Variants in PIP5K1B observed in about 807,000 individuals in gnomAD.
The protein encoded by PIP5K1B is phosphatidylinositol 4-phosphate 5-kinase type-1 beta.
In PIP5K1B, 42 loss-of-function variants were observed where a neutral mutation model predicts 67.0. That is an observed-to-expected ratio of 0.63 (90% confidence interval 0.49 to 0.81). PIP5K1B has a LOEUF of 0.81. Among genes scored for constraint, PIP5K1B ranks in the 30% least tolerant of loss-of-function variants. PIP5K1B has a pLI of 0.00. For missense variants in PIP5K1B, 459 were observed against 646.3 expected, an observed-to-expected ratio of 0.71 and a Z score of 3.14; for synonymous variants, 214 against 231.4, an observed-to-expected ratio of 0.92 and a Z score of 0.68.
At chr9:68,774,242 T>G (rs1038584065) in intron 2 of PIP5K1B, among the ~76,000 whole-genome samples, 3 of 152,208 alleles carry the variant, frequency 2.0e-5, no homozygotes, top group Admixed American at 1.3e-4. Context: ...CGGACAAGTC[T>G]TCAGAGTTTA....
At chr9:68,844,902 A>G (rs1822109834) in intron 4 of PIP5K1B, among the ~76,000 whole-genome samples, 2 of 152,128 alleles carry the variant, frequency 1.3e-5, no homozygotes, top group South Asian at 4.1e-4. Flanking sequence ...GGCAAAATAC[A>G]ATTACTTTCT....
chr9:68,747,279 G>C (rs1161911100), intron 2 of PIP5K1B, among the ~76,000 whole-genome samples: 3 of 148,772 alleles, frequency 2.0e-5, no homozygotes, highest in African/African-American at 7.5e-5. Context: ...GTCCTATCTG[G>C]TTATTATCAA....
intron 13 of PIP5K1B, among the ~76,000 whole-genome samples, chr9:68,939,644 C>A (rs541477838): frequency 2.0e-5 from 3 of 152,318 alleles, no homozygotes; most frequent in African/African-American, 7.2e-5. Context: ...AGCTCCACCA[C>A]CCCAGTGTGT....
intron 7 of PIP5K1B, among the ~76,000 whole-genome samples, chr9:68,891,837 A>T (rs1824807031): frequency 6.6e-6 from 1 of 152,160 alleles, no homozygotes; most frequent in East Asian, 1.9e-4. Context: ...ATAGAGTGGG[A>T]GAATATAAGG....
intron 6 of PIP5K1B, among the ~76,000 whole-genome samples, chr9:68,878,907 G>A (rs1450753226): frequency 6.6e-6 from 1 of 152,154 alleles, no homozygotes; most frequent in African/African-American, 2.4e-5. Context: ...GGGGGTGAAG[G>A]GTTGGAAGGG....
chr9:68,708,491 C>T (rs983854290), intron 1 of PIP5K1B, among the ~76,000 whole-genome samples: 4 of 152,088 alleles, frequency 2.6e-5, no homozygotes, highest in Non-Finnish European at 5.9e-5. Context: ...GCTTTTCTTT[C>T]TCCCTAGACA....
intron 6 of PIP5K1B, among the ~76,000 whole-genome samples, chr9:68,885,920 G>A (rs1230892876): frequency 3.3e-5 from 5 of 152,196 alleles, no homozygotes; most frequent in African/African-American, 9.7e-5. Context: ...GGTGGCTCAC[G>A]CCTGTAATCC....
intron 2 of PIP5K1B, among the ~76,000 whole-genome samples, chr9:68,765,276 A>G (rs1322911014): frequency 6.6e-6 from 1 of 152,134 alleles, no homozygotes; most frequent in East Asian, 1.9e-4. Context: ...CACTAGTAAC[A>G]TTTTAATGGT....
intron 14 of PIP5K1B, among the ~76,000 whole-genome samples, chr9:68,942,962 T>A (rs1473955898): frequency 1.3e-5 from 2 of 152,098 alleles, no homozygotes; most frequent in African/African-American, 4.8e-5. Context: ...AGGAAATCCA[T>A]CCTGGAACAT....
At chr9:68,766,655 G>A (rs544374830) in intron 2 of PIP5K1B, among the ~76,000 whole-genome samples, 62 of 152,238 alleles carry the variant, frequency 4.1e-4, no homozygotes, top group Admixed American at 1.9e-3. Context: ...AGTGTCAAAA[G>A]TAATTGTTTC....
At chr9:69,006,829 G>A (rs1365413890) in intron 15 of PIP5K1B, among the ~76,000 whole-genome samples, 1 of 152,152 alleles carries the variant, frequency 6.6e-6, no homozygotes, top group Non-Finnish European at 1.5e-5. Flanking sequence ...TTTTAAGAAC[G>A]CAGGACTTCT....
chr9:68,876,202 G>T (rs1029375005), intron 5 of PIP5K1B, among the ~76,000 whole-genome samples: 1 of 152,018 alleles, frequency 6.6e-6, no homozygotes, highest in South Asian at 2.1e-4. Context: ...TTCAGATTGG[G>T]GTCCTATTCC....
At chr9:68,756,195 G>A (rs1229652979) in intron 2 of PIP5K1B, among the ~76,000 whole-genome samples, 1 of 152,200 alleles carries the variant, frequency 6.6e-6, no homozygotes, top group African/African-American at 2.4e-5. Context: ...TGTTTGACAG[G>A]TCAGCATGTC....
In PIP5K1B at chr9:68,935,046, G is replaced by T. The variant is rs764107851; in HGVS notation, c.1357+1G>T. 1 of 1,609,562 alleles carries T rather than the reference G, an allele frequency of 6.2e-7. No individual in the cohort carries two copies. Among genetic ancestry groups the T allele is most frequent in the Admixed American group, 1.7e-5 (1 of 59,132 alleles). ...AGTTTTAGCAGCCTTGATGAAGAAGGTAAAGATATGTAACTTTTTTAAAAA... is the reference window on the plus strand; with the variant it reads ...AGTTTTAGCAGCCTTGATGAAGAAGTTAAAGATATGTAACTTTTTTAAAAA... On this transcript the variant is annotated splice_donor_variant, in intron 13 of 15. Coordinates refer to ENST00000265382, the MANE Select transcript of PIP5K1B (RefSeq NM_003558.4). LOFTEE classifies it high-confidence loss of function.
chr9:68,792,756 G>A (rs867172866), intron 2 of PIP5K1B, among the ~76,000 whole-genome samples: 29 of 152,200 alleles, frequency 1.9e-4, no homozygotes, highest in African/African-American at 6.8e-4. Flanking sequence ...TGGGATTACA[G>A]GCGTGAGCCA....
At chr9:68,784,638 G>A (rs894008019) in intron 2 of PIP5K1B, 1 of 166,588 alleles carries the variant, frequency 6.0e-6, no homozygotes, top group Non-Finnish European at 1.5e-5. Context: ...TTTTCAGGGT[G>A]TGTTTATAGA....
At chr9:68,950,140 T>C (rs1480109553) in intron 14 of PIP5K1B, among the ~76,000 whole-genome samples, 3 of 152,204 alleles carry the variant, frequency 2.0e-5, no homozygotes, top group Non-Finnish European at 4.4e-5. Context: ...TCCTCTGACC[T>C]GAAGCCAACA....
chr9:68,956,178 AC>A (rs1828379518), intron 14 of PIP5K1B, among the ~76,000 whole-genome samples: 1 of 152,236 alleles, frequency 6.6e-6, no homozygotes, highest in Non-Finnish European at 1.5e-5. Flanking sequence ...ATCGTTTGAA[AC>A]ATTCCTATAG....
At chr9:68,898,132 C>A (rs1452514034) in intron 8 of PIP5K1B, among the ~76,000 whole-genome samples, 4 of 152,142 alleles carry the variant, frequency 2.6e-5, no homozygotes, top group African/African-American at 9.7e-5. Flanking sequence ...ATGGTTCATT[C>A]CTGACCAACT....
Sources: gnomAD v4.1 joint callset for allele counts (sites outside exome capture counted in the v4.1 genomes callset) on GRCh38, gnomAD v4.1.1 for gene constraint, MANE v1.5 for transcripts, NCBI Gene and HGNC (gene_info 2026-07-23, HGNC 2026-07-21) for gene names.